The following ABHD3 variants were observed in gnomAD, a reference collection of about 807,000 sequenced individuals.
ABHD3 encodes the protein phospholipase ABHD3.
Under a neutral mutation model 48.8 loss-of-function variants are expected in ABHD3, and 46 were observed. The observed-to-expected ratio is 0.94, with a 90% CI of 0.74 to 1.20. The LOEUF (loss-of-function observed/expected upper bound fraction) is 1.20. ABHD3 is among the 50% of genes most tolerant of loss of function. ABHD3 has a pLI of 0.00. For missense variants in ABHD3, 490 were observed against 497.8 expected (o/e 0.98, Z 0.15); for synonymous variants, 192 against 183.7 (o/e 1.04, Z -0.36).
At chr18:21,702,255 G>T in intron 3 of ABHD3, 61 bp downstream of exon 3, 5 of 1,334,960 alleles carry the variant, frequency 3.7e-6, no homozygotes, top group Non-Finnish European at 5.0e-6. Context: ...CAAACATGTA[G>T]ATATATTTGT....
chr18:21,671,817 T>A (rs563837181), intron 4 of ABHD3, among the ~76,000 whole-genome samples: 1 of 152,314 alleles, frequency 6.6e-6, no homozygotes, highest in African/African-American at 2.4e-5. Context: ...TATTATTTTT[T>A]ATAGAAATGA....
chr18:21,692,363 G>A (rs1370848106), intron 3 of ABHD3, among the ~76,000 whole-genome samples: 1 of 152,096 alleles, frequency 6.6e-6, no homozygotes, highest in Non-Finnish European at 1.5e-5. Context: ...TATGTATCTT[G>A]AACTGGATAT....
At position 21,664,431 on chromosome 18, in the gene ABHD3, G is replaced by C. The variant is rs941258780; in HGVS notation, c.556-201C>G. On this transcript the variant is annotated intron_variant, in intron 4 of 8. Transcript: ENST00000289119. ...TTTAAAGTCAGCACAGTTAGAGTTG[G>C]CACTAACAAAAAGACCATGAACATG... The C allele has an allele frequency of 3.6e-5, 18 of 502,554 alleles. No individual in the cohort carries two copies. The South Asian group carries it at 5.3e-4, about 15-fold the overall frequency. 31.1% of individuals were successfully genotyped at this position (502,554 alleles called of 1,614,324 possible). A position where few individuals can be genotyped will look rare whatever the true frequency, so the allele number is the denominator to read the frequency against.
intron 3 of ABHD3, among the ~76,000 whole-genome samples, chr18:21,698,518 A>C (rs1166825748): frequency 3.3e-5 from 5 of 151,504 alleles, no homozygotes; most frequent in Admixed American, 3.3e-4. Flanking sequence ...GCCAGGGAAT[A>C]GATGATGAGG....
intron 3 of ABHD3, among the ~76,000 whole-genome samples, chr18:21,688,088 G>A (rs73437896): frequency 1.7e-3 from 257 of 152,310 alleles, no homozygotes; most frequent in African/African-American, 5.8e-3. Context: ...TTGCAGTGCT[G>A]TGATCACACC....
intron 4 of ABHD3, among the ~76,000 whole-genome samples, chr18:21,666,744 C>G (rs1356737159): frequency 6.6e-6 from 1 of 152,148 alleles, no homozygotes; most frequent in Non-Finnish European, 1.5e-5. Flanking sequence ...ATATATAACA[C>G]ATTTAAACAC....
intron 4 of ABHD3, among the ~76,000 whole-genome samples, chr18:21,678,660 A>G (rs2039941650): frequency 6.6e-6 from 1 of 152,178 alleles, no homozygotes; most frequent in Non-Finnish European, 1.5e-5. Flanking sequence ...AGTAATCAAC[A>G]ATGTTAGAGA....
intron 3 of ABHD3, among the ~76,000 whole-genome samples, chr18:21,692,509 C>T (rs1057183185): frequency 2.7e-5 from 4 of 148,638 alleles, no homozygotes; most frequent in African/African-American, 4.9e-5. Flanking sequence ...AAGTTCTAAG[C>T]GGCCCTATGA....
At chr18:21,692,447 A>T (rs775465314) in intron 3 of ABHD3, among the ~76,000 whole-genome samples, 4 of 152,252 alleles carry the variant, frequency 2.6e-5, no homozygotes, top group Non-Finnish European at 4.4e-5. Flanking sequence ...GCAAAGCTGA[A>T]TTTAATTGTA....
chr18:21,652,183 T>G (rs2039237730), intron 8 of ABHD3, among the ~76,000 whole-genome samples: 1 of 152,050 alleles, frequency 6.6e-6, no homozygotes, highest in Admixed American at 6.6e-5. Flanking sequence ...ATTCATTAGG[T>G]ATTATTTTGA....
intron 8 of ABHD3, 52 bp downstream of exon 8, chr18:21,656,807 CAA>C: frequency 2.1e-6 from 3 of 1,427,098 alleles, no homozygotes; most frequent in South Asian, 2.9e-5. Flanking sequence ...TTAAAAATAA[CAA>C]TATATTAAAA....
intron 3 of ABHD3, among the ~76,000 whole-genome samples, chr18:21,692,011 G>GTGCACAT (rs1174748336): frequency 6.6e-6 from 1 of 152,104 alleles, no homozygotes; most frequent in Non-Finnish European, 1.5e-5. Context: ...GAATGCAATG[G>GTGCACAT]TGCAATCTCA....
Position 21,657,105 on chromosome 18 carries a change from T to A in ABHD3, c.890A>T (p.Lys297Met). The A allele has an allele frequency of 6.2e-7, 1 of 1,613,692 alleles. No individual in the cohort carries two copies. The highest frequency in any genetic ancestry group is 8.5e-7 in the Non-Finnish European group (1 of 1,179,900). Reference sequence around the variant, plus strand: ...TATTACATAAAGTTTCTCTCCTACCTTCATGACATGATCCATATCAACTTG... The same window carrying A: ...TATTACATAAAGTTTCTCTCCTACCATCATGACATGATCCATATCAACTTG... ...VKQVDMDHVM[K>M]AKSIREFDKR... is the part of the protein sequence containing the mutation. The change falls in exon 7 of 9, where the codon AAG becomes ATG. Residue 297 changes from lysine to methionine, a missense_variant and splice_region_variant. By Grantham distance (95) the Lys-to-Met change is moderately conservative. Transcript: ENST00000289119.
Position 21,704,588 on chromosome 18 carries a change from C to T in ABHD3, c.78G>A (p.Gly26=), listed in dbSNP as rs1306856679. ...ATAAGCCCACCCCCGAGCCGAAGAA[C>T]CCCACCCGGACTTGGTGTTCCAGGT... ...SLYLEHQVRV[G]FFGSGVGLSL... is the part of the protein sequence containing the mutation. Residue 26 remains glycine (G), a synonymous_variant, in exon 1 of 9, where the codon GGG becomes GGA. Transcript: ENST00000289119. 1.3e-6 allele frequency: 2 copies of T among 1,552,024 alleles called. No individual in the cohort carries two copies. The highest frequency in any genetic ancestry group is 1.4e-5 in the African/African-American group (1 of 70,584).
intron 4 of ABHD3, among the ~76,000 whole-genome samples, chr18:21,677,991 T>C (rs1020664149): frequency 2.2e-4 from 33 of 151,916 alleles, no homozygotes; most frequent in Non-Finnish European, 5.9e-5. Context: ...ACAGGGTCTC[T>C]GTTGCCCAAG....
chr18:21,676,921 T>G (rs1435838154), intron 4 of ABHD3, among the ~76,000 whole-genome samples: 1 of 152,248 alleles, frequency 6.6e-6, no homozygotes, highest in African/African-American at 2.4e-5. Flanking sequence ...GAGATGTAAT[T>G]TGCATACCAT....
At chr18:21,700,611 G>A (rs1232099957) in intron 3 of ABHD3, among the ~76,000 whole-genome samples, 3 of 150,282 alleles carry the variant, frequency 2.0e-5, no homozygotes, top group African/African-American at 7.4e-5. Flanking sequence ...TGTTGGCCAA[G>A]TTGGTCTTGA....
At chr18:21,660,240 A>G (rs2039460998) in intron 5 of ABHD3, among the ~76,000 whole-genome samples, 1 of 146,620 alleles carries the variant, frequency 6.8e-6, no homozygotes, top group South Asian at 2.1e-4. Context: ...ACTGATGTCT[A>G]GGTCTTACCC....
At chr18:21,704,466 G>A in intron 1 of ABHD3, 38 bp downstream of exon 1, 2 of 1,332,848 alleles carry the variant, frequency 1.5e-6, no homozygotes, top group Non-Finnish European at 9.7e-7. Context: ...CTAGCTCCTG[G>A]CCCAGCAGCC....
Sources: allele counts gnomAD v4.1 joint callset (sites outside exome capture counted in the v4.1 genomes callset), GRCh38; gene constraint gnomAD v4.1.1; transcripts MANE v1.5; gene names NCBI Gene and HGNC (gene_info 2026-07-23, HGNC 2026-07-21).